Variants in PHKA1 observed in about 807,000 individuals in gnomAD.
PHKA1 encodes the protein phosphorylase b kinase regulatory subunit alpha, skeletal muscle isoform.
PHKA1 carries 60 observed loss-of-function variants against 110.2 expected under a neutral mutation model. The observed-to-expected ratio is 0.54, with a 90% CI of 0.44 to 0.68. The LOEUF (loss-of-function observed/expected upper bound fraction) is 0.68, where lower values mean the gene tolerates loss of function less well. Ranked by LOEUF, PHKA1 falls within the 30% of genes least tolerant of loss-of-function variation. PHKA1 has a pLI of 0.00. For synonymous variants in PHKA1, 316 were observed against 333.6 expected (o/e 0.95, Z 0.58); for missense variants, 801 against 942.5 (o/e 0.85, Z 1.97).
At chrX:72,603,712 A>G (rs1288967750) in intron 25 of PHKA1, among the ~76,000 whole-genome samples, 2 of 111,576 alleles carry the variant, frequency 1.8e-5, no homozygotes, top group African/African-American at 6.5e-5. Flanking sequence ...TTAAAAGTAG[A>G]CTACATGCAG....
At chrX:72,592,920 A>G (rs1372966363) in intron 29 of PHKA1, among the ~76,000 whole-genome samples, 184 bp downstream of exon 29, 1 of 112,729 alleles carries the variant, frequency 8.9e-6, no homozygotes, top group East Asian at 2.8e-4. Flanking sequence ...AAGAGACTAA[A>G]TTATTAATAA....
At chrX:72,668,027 A>AT (rs781945098) in intron 6 of PHKA1, among the ~76,000 whole-genome samples, 22 of 111,618 alleles carry the variant, frequency 2.0e-4, no homozygotes, top group African/African-American at 7.1e-4. Flanking sequence ...TAGTGTAAGT[A>AT]TTTTTCCACA....
At chrX:72,593,683 G>A (rs1556229784) in intron 28 of PHKA1, among the ~76,000 whole-genome samples, 1 of 112,611 alleles carries the variant, frequency 8.9e-6, no homozygotes, top group Non-Finnish European at 1.9e-5. Context: ...CTACTCTGCA[G>A]AATTATAAAC....
chrX:72,621,641 G>T, intron 18 of PHKA1: 1 of 260,913 alleles, frequency 3.8e-6, no homozygotes, highest in Non-Finnish European at 5.3e-6. Flanking sequence ...GGTTTTTGAT[G>T]ATATTTACTG....
chrX:72,679,950 C>T (rs782159364), intron 5 of PHKA1, among the ~76,000 whole-genome samples: 7 of 110,390 alleles, frequency 6.3e-5, no homozygotes, highest in Middle Eastern at 4.7e-3. Context: ...ATAGAAGAAA[C>T]GTGAAGAAAA....
chrX:72,599,720 AT>A (rs376497544), intron 28 of PHKA1: 26,733 of 358,591 alleles, frequency 0.075, 728 homozygotes, highest in Non-Finnish European at 0.1. Flanking sequence ...TTCTTGATTA[AT>A]TTTTTTTTTA....
chrX:72,630,631 T>C (rs1305702319), intron 16 of PHKA1, among the ~76,000 whole-genome samples: 4 of 110,743 alleles, frequency 3.6e-5, no homozygotes, highest in Non-Finnish European at 5.7e-5. Flanking sequence ...CTGGTGTCCA[T>C]GGTTTCTGAT....
intron 2 of PHKA1, among the ~76,000 whole-genome samples, chrX:72,711,463 G>T (rs2054381156): frequency 9.0e-6 from 1 of 110,986 alleles, no homozygotes; most frequent in African/African-American, 3.3e-5. Flanking sequence ...AGTCATAAAA[G>T]GCTGGGCGCG....
intron 29 of PHKA1, among the ~76,000 whole-genome samples, chrX:72,592,583 C>T (rs1264260927): frequency 8.9e-6 from 1 of 112,532 alleles, no homozygotes; most frequent in African/African-American, 3.2e-5. Flanking sequence ...CTATTACCAT[C>T]ATTATGACTT....
intron 28 of PHKA1, among the ~76,000 whole-genome samples, chrX:72,594,594 T>G (rs1490351521): frequency 8.9e-6 from 1 of 112,676 alleles, no homozygotes; most frequent in South Asian, 3.7e-4. Flanking sequence ...AACATCTTAA[T>G]AGAACTATTA....
intron 5 of PHKA1, 93 bp from the exon 6 acceptor site, chrX:72,676,243 A>G: frequency 1.7e-6 from 1 of 582,072 alleles, no homozygotes; most frequent in Non-Finnish European, 2.8e-6. Context: ...AAAAGACACT[A>G]GGAGTAACTA....
chrX:72,668,264 T>A (rs1459965556), intron 6 of PHKA1, among the ~76,000 whole-genome samples: 1 of 112,017 alleles, frequency 8.9e-6, no homozygotes, highest in Non-Finnish European at 1.9e-5. Context: ...ATAATGACTG[T>A]CAAGCTAATA....
At chrX:72,650,273 T>G in intron 13 of PHKA1, 117 bp downstream of exon 13, 2 of 566,477 alleles carry the variant, frequency 3.5e-6, no homozygotes, top group Non-Finnish European at 5.9e-6. Context: ...GTATACATTT[T>G]GAAGCCTAAT....
Position 72,603,515 on chromosome X carries a change from T to C in PHKA1, c.2816-295A>G, listed in dbSNP as rs2052685731. Among the ~76,000 whole-genome samples, 4 of 110,975 alleles carry C rather than the reference T, an allele frequency of 3.6e-5. No individual in the cohort carries two copies. In the South Asian group the frequency reaches 1.1e-3, roughly 32 times the overall value. ...AATCTTTATTTGAAGGTGGGAAGAA[T>C]GAAAGAAGAACAATGGAACTGGAGG... is the stretch of plus-strand genomic sequence containing the variant. On this transcript the variant is annotated intron_variant, in intron 25 of 31. Coordinates refer to ENST00000373542, the MANE Select transcript of PHKA1 (RefSeq NM_002637.4).
At chrX:72,681,124 G>A (rs1318146809) in intron 5 of PHKA1, among the ~76,000 whole-genome samples, 2 of 80,674 alleles carry the variant, frequency 2.5e-5, no homozygotes, top group Non-Finnish European at 5.0e-5. Flanking sequence ...AGTGAGGAGC[G>A]TCTCTGCCCG....
At chrX:72,680,691 C>T (rs1339227012) in intron 5 of PHKA1, among the ~76,000 whole-genome samples, 6 of 105,793 alleles carry the variant, frequency 5.7e-5, no homozygotes, top group South Asian at 4.1e-4. Flanking sequence ...GCGGCGCTGA[C>T]GCCCGCGGGC....
chrX:72,684,661 C>G, intron 4 of PHKA1, 81 bp from the exon 5 acceptor site: 1 of 605,550 alleles, frequency 1.7e-6, no homozygotes. Flanking sequence ...ACTAACTGAT[C>G]TCACTAATCC....
chrX:72,616,654 A>G (rs1217770817), intron 21 of PHKA1, among the ~76,000 whole-genome samples: 4 of 111,935 alleles, frequency 3.6e-5, no homozygotes, highest in Non-Finnish European at 5.6e-5. Flanking sequence ...GACCAAATGG[A>G]CCTAATTGAT....
At chrX:72,622,137 A>G in intron 18 of PHKA1, 1 of 752,589 alleles carries the variant, frequency 1.3e-6, no homozygotes, top group South Asian at 6.8e-5. Flanking sequence ...AAGAAATTCA[A>G]CTGTTTTAGA....
Sources: allele counts gnomAD v4.1 joint callset (sites outside exome capture counted in the v4.1 genomes callset), GRCh38; gene constraint gnomAD v4.1.1; transcripts MANE v1.5; gene names NCBI Gene and HGNC (gene_info 2026-07-23, HGNC 2026-07-21).